The following NOTCH3 variants were observed in gnomAD, a reference collection of about 807,000 sequenced individuals.
The protein encoded by NOTCH3 is notch receptor 3, also known as neurogenic locus notch homolog protein 3.
A neutral mutation model predicts 213.3 loss-of-function variants in NOTCH3; 86 were observed. The observed-to-expected ratio is 0.40, with a 90% confidence interval of 0.34 to 0.48. The LOEUF is 0.48. Among genes scored for constraint, NOTCH3 ranks in the 20% least tolerant of loss-of-function variants. The pLI is 0.57. For missense variants in NOTCH3, 2,783 were observed against 3,272.6 expected (o/e 0.85, Z 3.65); for synonymous variants, 1,354 against 1,355.9 (o/e 1.00, Z 0.03).
In NOTCH3 at chr19:15,179,068, G is replaced by A. The variant is rs1406837854; in HGVS notation, c.3675C>T (p.Asp1225=). The A allele has an allele frequency of 6.2e-7, 1 of 1,614,110 alleles. No homozygotes were observed. The highest frequency in any genetic ancestry group is 8.5e-7 in the Non-Finnish European group (1 of 1,180,042). The part of the protein sequence containing the change: ...HAAHTRDCLQ[D]PGGGFRCLCH... ...AAAGGCAACGGAAACCTCCGCCTGG[G>A]TCCTGCAGGCAGTCCCGGGTGTGTG... Residue 1225 remains aspartate, a synonymous_variant, in exon 22 of 33, where the codon GAC becomes GAT. Coordinates refer to ENST00000263388, the MANE Select transcript of NOTCH3 (RefSeq NM_000435.3).
At chr19:15,188,180 GT>G in intron 9 of NOTCH3, 54 bp downstream of exon 9, 3 of 1,362,202 alleles carry the variant, frequency 2.2e-6, no homozygotes, top group Admixed American at 2.0e-5. Flanking sequence ...CCACCCTGGA[GT>G]TTTTGCCCCT....
chr19:15,174,535 G>T (rs1221126371), intron 24 of NOTCH3, 135 bp from the exon 25 acceptor site: 7 of 616,966 alleles, frequency 1.1e-5, no homozygotes, highest in Admixed American at 3.4e-5. Flanking sequence ...ACGGACCCAT[G>T]CCAGGCTTTC....
chr19:15,169,882 C>T (rs1246680933), intron 28 of NOTCH3, among the ~76,000 whole-genome samples: 4 of 152,194 alleles, frequency 2.6e-5, no homozygotes, highest in African/African-American at 9.6e-5. Flanking sequence ...CCCTTGGGGC[C>T]CCAGTGGCAA....
In NOTCH3 at chr19:15,174,387, T is replaced by C. The variant is rs2046769637; in HGVS notation, c.4417A>G (p.Lys1473Glu). 4 of 1,529,292 alleles carry C rather than the reference T, an allele frequency of 2.6e-6. No homozygotes were observed. The highest frequency in any genetic ancestry group is 3.5e-6 in the Non-Finnish European group (4 of 1,132,688). The allele number at this position is 1,529,292 out of a possible 1,614,324, so 94.7% of individuals were successfully genotyped here. ...TCGGCAAAGTGGTCGGCGCAGTACTTCTCGTACACCGGGCTGGTGGGGAAG... is the reference window on the plus strand; with the variant it reads ...TCGGCAAAGTGGTCGGCGCAGTACTCCTCGTACACCGGGCTGGTGGGGAAG... ...RERTCNPVYE[K>E]YCADHFADGR... The change falls in exon 25 of 33, where the codon AAG (lysine) becomes GAG (glutamate). Residue 1473 changes from lysine to glutamate, a missense_variant. Physicochemically the swap from Lys to Glu is moderately conservative, Grantham distance 56. This residue lies in a region of NOTCH3 where 636 missense variants were observed against 801.8 expected (regional missense o/e 0.79). Coordinates refer to ENST00000263388, the MANE Select transcript of NOTCH3 (RefSeq NM_000435.3).
chr19:15,184,997 G>T lies in NOTCH3; in HGVS notation c.2319C>A (p.Ser773=), dbSNP rs182623173. Reference sequence around the variant, plus strand: ...GCTCACAGGGGTTCGGGGTGCAGGGGGAGAGGAGTTCACACTGACGTCCTG... The same window carrying T: ...GCTCACAGGGGTTCGGGGTGCAGGGTGAGAGGAGTTCACACTGACGTCCTG... The part of the protein sequence containing the change: ...GVQGRQCELL[S]PCTPNPCEHG... Residue 773 remains serine (S), a synonymous_variant, in exon 15 of 33, where the codon TCC becomes TCA. Transcript: ENST00000263388. 2 of 1,529,098 alleles carry T rather than the reference G, an allele frequency of 1.3e-6. No homozygotes were observed. Among genetic ancestry groups the T allele is most frequent in the Non-Finnish European group, 8.8e-7 (1 of 1,131,870 alleles). The allele number at this position is 1,529,098 out of a possible 1,614,324, so 94.7% of individuals were successfully genotyped here.
intron 23 of NOTCH3, chr19:15,178,568 A>C: frequency 1.8e-6 from 1 of 549,314 alleles, no homozygotes; most frequent in East Asian, 3.2e-5. Flanking sequence ...TATTTTTAGT[A>C]GAGACGGGGT....
At chr19:15,182,651 A>T (rs1209884765) in intron 16 of NOTCH3, among the ~76,000 whole-genome samples, 2 of 150,896 alleles carry the variant, frequency 1.3e-5, no homozygotes, top group Admixed American at 6.6e-5. Flanking sequence ...TTTTATTTTT[A>T]TTTTTTTTGA....
In NOTCH3 at chr19:15,200,794, C is replaced by A. The variant is rs752064930; in HGVS notation, c.112G>T (p.Ala38Ser). 2 of 1,271,526 alleles carry A rather than the reference C, an allele frequency of 1.6e-6. No individual in the cohort carries two copies. 78.8% of individuals were successfully genotyped at this position (1,271,526 alleles called of 1,614,324 possible). A position where few individuals can be genotyped will look rare whatever the true frequency, so the allele number is the denominator to read the frequency against. Reference sequence around the variant, plus strand: ...CCAGGTCCCGGCCCCTCACCTGCAGCCCCCGGCCCCGCTAGCAGCAGCAGC... The same window carrying A: ...CCAGGTCCCGGCCCCTCACCTGCAGACCCCGGCCCCGCTAGCAGCAGCAGC... ...PLLLLLAGPG[A>S]AAPPCLDGSP... The change falls in exon 1 of 33, where the codon GCT becomes TCT. Residue 38 changes from alanine (A) to serine (S), a missense_variant. By Grantham distance (99) the Ala-to-Ser change is moderately conservative (BLOSUM62 1). Coordinates refer to ENST00000263388, the MANE Select transcript of NOTCH3 (RefSeq NM_000435.3).
Position 15,180,694 on chromosome 19 carries a change from G to A in NOTCH3, c.3129C>T (p.Ala1043=), listed in dbSNP as rs1282681940. ...GCTCCCACTCACCGATCTGGGCTGC[G>A]GCCTCCCTGCAGGGCAAGCTTCGGA... ...CDIRSLPCRE[A]AAQIGVRLEQ... The change falls in exon 19 of 33, where the codon GCC becomes GCT. Residue 1043 remains alanine (A), a synonymous_variant. Coordinates refer to ENST00000263388, the MANE Select transcript of NOTCH3 (RefSeq NM_000435.3). 1.9e-6 allele frequency: 3 copies of A among 1,556,714 alleles called. No individual in the cohort carries two copies. The highest frequency in any genetic ancestry group is 2.6e-6 in the Non-Finnish European group (3 of 1,151,966).
chr19:15,161,414 G>A lies in NOTCH3; in HGVS notation c.6214C>T (p.Leu2072=). The A allele has an allele frequency of 6.5e-7, 1 of 1,528,898 alleles. No homozygotes were observed. 94.7% of individuals were successfully genotyped at this position (1,528,898 alleles called of 1,614,324 possible). Residue 2072 remains leucine, a synonymous_variant, in exon 33 of 33, where the codon CTG becomes TTG. Transcript: ENST00000263388. ...KSRRPPGKAG[L]GPQGPRGRGK... is the part of the protein sequence containing the mutation. ...CGCCCCCGGGGCCCCTGCGGCCCCA[G>A]CCCCGCCTTCCCGGGGGGCCTCCTG...
chr19:15,184,027 G>C (rs1373666265), intron 16 of NOTCH3, among the ~76,000 whole-genome samples: 2 of 102,388 alleles, frequency 2.0e-5, no homozygotes, highest in Non-Finnish European at 3.4e-5. Context: ...ACAGAGCTAA[G>C]ACTCTGTCTC....
At chr19:15,188,677 C>G (rs2046903831) in intron 8 of NOTCH3, among the ~76,000 whole-genome samples, 1 of 151,880 alleles carries the variant, frequency 6.6e-6, no homozygotes, top group Non-Finnish European at 1.5e-5. Flanking sequence ...TTACTGCAAG[C>G]TTGTCTGCAG....
intron 26 of NOTCH3, 41 bp from the exon 27 acceptor site, chr19:15,170,594 G>A (rs535811381): frequency 6.3e-7 from 1 of 1,590,462 alleles, no homozygotes. Flanking sequence ...AGCCGAGGGC[G>A]GGGCTTTGGC....
chr19:15,160,995 G>A lies in NOTCH3; in HGVS notation c.6633C>T (p.Tyr2211=), dbSNP rs935487877. 4.5e-6 allele frequency: 7 copies of A among 1,554,484 alleles called. No individual in the cohort carries two copies. The Admixed American group carries it at 1.3e-4, about 29-fold the overall frequency. Residue 2211 remains tyrosine (Y), a synonymous_variant, in exon 33 of 33, where the codon TAC becomes TAT. Coordinates refer to ENST00000263388, the MANE Select transcript of NOTCH3 (RefSeq NM_000435.3). ...CCTCGCCATGTCCTGGGACTGCCAG[G>A]TAAGGCGGGGGCCGCTCCTGCGGGG... is the stretch of plus-strand genomic sequence containing the variant. The part of the protein sequence containing the change: ...PVSPQERPPP[Y]LAVPGHGEEY...
intron 6 of NOTCH3, among the ~76,000 whole-genome samples, chr19:15,190,587 T>C (rs2046919274): frequency 6.6e-6 from 1 of 152,284 alleles, no homozygotes; most frequent in African/African-American, 2.4e-5. Flanking sequence ...TCATCTTTTT[T>C]TCTCTCTCTT....
chr19:15,191,418 A>G lies in NOTCH3; in HGVS notation c.1036+6T>C, dbSNP rs2046925493. 3 of 1,612,038 alleles carry G rather than the reference A, an allele frequency of 1.9e-6. No homozygotes were observed. The African/African-American group carries it at 4.0e-5, about 22-fold the overall frequency. ...ATGGCTCCCTGCAGAGAAAACGGCC[A>G]CTCACCAGTCTTGCCCATGGGGCAG... On this transcript the variant is annotated splice_donor_region_variant and intron_variant, in intron 6 of 32. Transcript: ENST00000263388.
intron 26 of NOTCH3, 34 bp from the exon 27 acceptor site, chr19:15,170,587 C>T (rs1437795313): frequency 6.3e-7 from 1 of 1,595,862 alleles, no homozygotes; most frequent in Non-Finnish European, 8.5e-7. Context: ...GGGCTTCAGC[C>T]GAGGGCGGGG....
chr19:15,176,157 C>T (rs1007167797), intron 24 of NOTCH3, among the ~76,000 whole-genome samples: 5 of 142,768 alleles, frequency 3.5e-5, no homozygotes, highest in African/African-American at 1.3e-4. Context: ...GGAACAAAAG[C>T]AATTTTTTTT....
At chr19:15,191,697 T>G (rs372564370) in intron 5 of NOTCH3, 40 bp from the exon 6 acceptor site, 1 of 1,613,374 alleles carries the variant, frequency 6.2e-7, no homozygotes, top group African/African-American at 1.3e-5. Context: ...ACCTGGCGCA[T>G]GTCCACCCGA....
Sources: gnomAD v4.1 joint callset for allele counts (sites outside exome capture counted in the v4.1 genomes callset) on GRCh38, gnomAD v4.1.1 for gene constraint, gnomAD v4.1.1 regional missense constraint, MANE v1.5 for transcripts, NCBI Gene and HGNC (gene_info 2026-07-23, HGNC 2026-07-21) for gene names.